The following EXOC4 variants were observed in gnomAD, a reference collection of about 807,000 sequenced individuals.
EXOC4 encodes the protein SEC8-like 1.
Under a neutral mutation model 107.2 loss-of-function variants are expected in EXOC4, and 71 were observed. The ratio of observed to expected loss-of-function variants is 0.66; its 90% CI spans 0.55 to 0.81. The LOEUF (loss-of-function observed/expected upper bound fraction) is 0.81. EXOC4 is among the 30% of genes least tolerant of loss of function. EXOC4 has a pLI of 0.00. For missense variants in EXOC4, 1,108 were observed against 1,189.6 expected (o/e 0.93, Z 1.01); for synonymous variants, 456 against 441.2 (o/e 1.03, Z -0.42).
In EXOC4 at chr7:133,253,109, C is replaced by G. The variant is rs771535728; in HGVS notation, c.8C>G (p.Ala3Gly). The stretch of plus-strand genomic sequence containing the variant: ...GCTCTCCCCGCGTCCAAGATGGCGG[C>G]AGAAGCAGCTGGTGGGAAATACAGA... MA[A>G]EAAGGKYRST... The change falls in exon 1 of 18, where the codon GCA becomes GGA. Residue 3 changes from alanine (A) to glycine (G), a missense_variant. Physicochemically the swap from Ala to Gly is moderately conservative, Grantham distance 60 (BLOSUM62 0). Transcript: ENST00000253861. 6.2e-7 allele frequency: 1 copy of G among 1,614,144 alleles called. No individual in the cohort carries two copies. Among genetic ancestry groups the G allele is most frequent in the South Asian group, 1.1e-5 (1 of 91,084 alleles).
chr7:133,774,832 T>C (rs924060470), intron 10 of EXOC4, among the ~76,000 whole-genome samples: 1 of 152,124 alleles, frequency 6.6e-6, no homozygotes, highest in African/African-American at 2.4e-5. Flanking sequence ...TAATTCACAT[T>C]GTCAATTCAA....
rs1367512063 is a variant in EXOC4, at chr7:133,644,208, T to A, written c.1514+14067T>A. Among the ~76,000 whole-genome samples the A allele has an allele frequency of 3.9e-5, 6 of 152,304 alleles. No homozygotes were observed. In the South Asian group the frequency reaches 8.3e-4, roughly 21 times the overall value. ...CAGTAGGCTTCCTATCAATTTCACT[T>A]TTAGGAATGCTGTGATTAATTAGCC... On this transcript the variant is annotated intron_variant, in intron 10 of 17. Transcript: ENST00000253861.
chr7:133,824,849 T>C lies in EXOC4; in HGVS notation c.1734+7305T>C, dbSNP rs148509371. On this transcript the variant is annotated intron_variant, in intron 11 of 17. Coordinates refer to ENST00000253861, the MANE Select transcript of EXOC4 (RefSeq NM_021807.4). Reference sequence around the variant, plus strand: ...CTTGTAAGGATACTTTCATTGGATTTAGGGTTTGTCTTAATCCAGGACGAT... The same window carrying C: ...CTTGTAAGGATACTTTCATTGGATTCAGGGTTTGTCTTAATCCAGGACGAT... Among the ~76,000 whole-genome samples the C allele has an allele frequency of 1.4e-4, 21 of 152,252 alleles. No homozygotes were observed. The East Asian group carries it at 4.1e-3, about 29-fold the overall frequency.
chr7:133,288,146 A>T (rs140924464), intron 2 of EXOC4, among the ~76,000 whole-genome samples: 1 of 152,126 alleles, frequency 6.6e-6, no homozygotes, highest in Non-Finnish European at 1.5e-5. Flanking sequence ...TTGAAAGATC[A>T]TGGTTTTTAA....
chr7:133,968,580 A>G (rs756142291), intron 14 of EXOC4, among the ~76,000 whole-genome samples: 1 of 152,064 alleles, frequency 6.6e-6, no homozygotes, highest in Non-Finnish European at 1.5e-5. Context: ...AAAGGATTTT[A>G]TTTCTCCTTC....
intron 9 of EXOC4, among the ~76,000 whole-genome samples, chr7:133,624,680 C>T (rs1369452903): frequency 6.6e-6 from 1 of 152,008 alleles, no homozygotes; most frequent in Non-Finnish European, 1.5e-5. Context: ...GCAACCTCTG[C>T]CTCCCGGGCT....
intron 17 of EXOC4, among the ~76,000 whole-genome samples, chr7:134,036,563 G>C (rs1795394847): frequency 6.6e-6 from 1 of 152,180 alleles, no homozygotes. Flanking sequence ...ACTCTAGCCT[G>C]GGAGAGATAG....
chr7:133,345,747 G>A (rs1315613225), intron 5 of EXOC4, among the ~76,000 whole-genome samples: 1 of 152,182 alleles, frequency 6.6e-6, no homozygotes, highest in African/African-American at 2.4e-5. Context: ...CACTCACCTT[G>A]CTTTCAAAAC....
chr7:133,676,370 G>T (rs1794057656), intron 10 of EXOC4, among the ~76,000 whole-genome samples: 1 of 152,142 alleles, frequency 6.6e-6, no homozygotes, highest in Non-Finnish European at 1.5e-5. Context: ...GAATGGGACC[G>T]AGTATGCCTA....
At chr7:133,875,315 T>G (rs1486170832) in intron 11 of EXOC4, among the ~76,000 whole-genome samples, 1 of 152,204 alleles carries the variant, frequency 6.6e-6, no homozygotes, top group Non-Finnish European at 1.5e-5. Context: ...GTGTTGTTTT[T>G]AGCAGGCGTG....
intron 7 of EXOC4, among the ~76,000 whole-genome samples, chr7:133,446,354 A>C (rs1241448484): frequency 6.6e-6 from 1 of 151,668 alleles, no homozygotes; most frequent in Non-Finnish European, 1.5e-5. Flanking sequence ...TTTTCGCCCT[A>C]CTCTGTGCTG....
intron 10 of EXOC4, among the ~76,000 whole-genome samples, chr7:133,717,257 G>T (rs1011845350): frequency 1.3e-5 from 2 of 152,138 alleles, no homozygotes; most frequent in African/African-American, 4.8e-5. Context: ...GAGAACTTTC[G>T]ATCATAAAGT....
chr7:134,024,264 C>T (rs562519707), intron 17 of EXOC4, among the ~76,000 whole-genome samples: 3 of 152,234 alleles, frequency 2.0e-5, no homozygotes, highest in South Asian at 2.1e-4. Context: ...TCCTGGCTAA[C>T]GCGGTGAAAC....
intron 17 of EXOC4, among the ~76,000 whole-genome samples, chr7:134,023,971 G>A (rs1474141897): frequency 6.6e-6 from 1 of 152,204 alleles, no homozygotes; most frequent in African/African-American, 2.4e-5. Context: ...ATGAAGTGGT[G>A]TAAGACCTCA....
intron 17 of EXOC4, among the ~76,000 whole-genome samples, chr7:134,039,311 G>C (rs1795462168): frequency 6.6e-6 from 1 of 152,090 alleles, no homozygotes; most frequent in Non-Finnish European, 1.5e-5. Context: ...GCATGATAAA[G>C]CTTCAGGGAG....
At position 133,422,293 on chromosome 7, in the gene EXOC4, C is replaced by T. The variant is rs568455355; in HGVS notation, c.1182+47291C>T. 1.1e-4 allele frequency among the ~76,000 whole-genome samples: 17 copies of T among 152,236 alleles called. No homozygotes were observed. The East Asian group carries it at 3.3e-3, about 29-fold the overall frequency. On this transcript the variant is annotated intron_variant, in intron 7 of 17. Coordinates refer to ENST00000253861, the MANE Select transcript of EXOC4 (RefSeq NM_021807.4). ...TTAAATCGGAGATTTTTAAAAAACT[C>T]GCTTAGTGAAGTTATTTGATTTCTT...
At chr7:133,328,680 A>C (rs1795307240) in intron 5 of EXOC4, among the ~76,000 whole-genome samples, 1 of 152,112 alleles carries the variant, frequency 6.6e-6, no homozygotes, top group Non-Finnish European at 1.5e-5. Context: ...TCGTTTATGA[A>C]ACTTAGTTTG....
chr7:134,081,610 G>A, the EXOC4 span, among the ~76,000 whole-genome samples: 3 of 152,180 alleles, frequency 2.0e-5, no homozygotes, highest in Non-Finnish European at 4.4e-5. Flanking sequence ...TTTTTAGAAT[G>A]AATGAATAGG....
intron 17 of EXOC4, among the ~76,000 whole-genome samples, chr7:134,024,562 A>G (rs1375742338): frequency 2.0e-5 from 3 of 152,198 alleles, no homozygotes; most frequent in Non-Finnish European, 4.4e-5. Context: ...AGTCATTTTA[A>G]AAGAAAAAGT....
Sources: gnomAD v4.1 joint callset for allele counts (sites outside exome capture counted in the v4.1 genomes callset) on GRCh38, gnomAD v4.1.1 for gene constraint, MANE v1.5 for transcripts, NCBI Gene and HGNC (gene_info 2026-07-23, HGNC 2026-07-21) for gene names.